The following NEDD1 variants were observed in gnomAD, a reference collection of about 807,000 sequenced individuals.
The protein encoded by NEDD1 is NEDD1 gamma-tubulin ring complex targeting factor.
In NEDD1, 33 loss-of-function variants were observed where a neutral mutation model predicts 74.0. The observed-to-expected ratio is 0.45, with a 90% CI of 0.34 to 0.60. NEDD1 has a LOEUF of 0.60. Ranked by LOEUF, NEDD1 falls within the 20% of genes least tolerant of loss-of-function variation. NEDD1 has a pLI of 0.01. For missense variants in NEDD1, 746 were observed against 776.5 expected (o/e 0.96, Z 0.47); for synonymous variants, 250 against 264.4 (o/e 0.95, Z 0.53).
chr12:96,909,938 C>T (rs372913646), intron 3 of NEDD1, 43 bp downstream of exon 3: 14 of 1,556,458 alleles, frequency 9.0e-6, no homozygotes, highest in African/African-American at 2.8e-5. Context: ...ACACACAAAC[C>T]GCTTATTAGG....
At chr12:96,923,215 T>C (rs1029717412) in intron 6 of NEDD1, among the ~76,000 whole-genome samples, 2 of 152,234 alleles carry the variant, frequency 1.3e-5, no homozygotes, top group African/African-American at 2.4e-5. Flanking sequence ...ACTGTATTAA[T>C]TCTGTGTAGT....
At chr12:96,923,220 T>G (rs1875302109) in intron 6 of NEDD1, among the ~76,000 whole-genome samples, 1 of 152,234 alleles carries the variant, frequency 6.6e-6, no homozygotes, top group South Asian at 2.1e-4. Flanking sequence ...ATTAATTCTG[T>G]GTAGTGTTTC....
chr12:96,944,939 G>T (rs761115029), intron 13 of NEDD1, 144 bp downstream of exon 13: 2 of 555,798 alleles, frequency 3.6e-6, no homozygotes, highest in Non-Finnish European at 6.2e-6. Context: ...TGTTGTGTGA[G>T]TGTTACTAAA....
chr12:96,913,216 C>G (rs1325916421), intron 4 of NEDD1, among the ~76,000 whole-genome samples: 4 of 152,128 alleles, frequency 2.6e-5, no homozygotes, highest in Non-Finnish European at 4.4e-5. Context: ...AACAGACTCA[C>G]AGCTGATGGT....
chr12:96,943,538 A>G (rs1472221593), intron 11 of NEDD1, 22 bp from the exon 12 acceptor site: 5 of 1,574,154 alleles, frequency 3.2e-6, no homozygotes, highest in Non-Finnish European at 4.4e-6. Flanking sequence ...CCATATGCAC[A>G]TGCAGTTTTT....
At chr12:96,938,043 C>T (rs1877302285) in intron 9 of NEDD1, among the ~76,000 whole-genome samples, 1 of 151,956 alleles carries the variant, frequency 6.6e-6, no homozygotes, top group South Asian at 2.1e-4. Flanking sequence ...TAGTATGTTT[C>T]TGAAATATTG....
intron 12 of NEDD1, 66 bp downstream of exon 12, chr12:96,943,828 A>G: frequency 2.0e-6 from 2 of 982,606 alleles, no homozygotes; most frequent in Non-Finnish European, 3.2e-6. Context: ...GGTGGCTGCC[A>G]GTGCATGTAT....
At chr12:96,928,031 G>T (rs1280339408) in intron 6 of NEDD1, among the ~76,000 whole-genome samples, 4 of 152,034 alleles carry the variant, frequency 2.6e-5, no homozygotes, top group African/African-American at 9.7e-5. Context: ...TGACATGTAG[G>T]CATAAAATAA....
chr12:96,919,878 C>T, intron 5 of NEDD1, 107 bp from the exon 6 acceptor site: 1 of 677,758 alleles, frequency 1.5e-6, no homozygotes, highest in Non-Finnish European at 2.4e-6. Flanking sequence ...AATGTTAAAG[C>T]AAATATTAGA....
At chr12:96,938,169 A>G (rs1210393141) in intron 9 of NEDD1, among the ~76,000 whole-genome samples, 1 of 151,974 alleles carries the variant, frequency 6.6e-6, no homozygotes, top group Non-Finnish European at 1.5e-5. Context: ...AAGTAGAAGC[A>G]AAACTTTAAT....
intron 5 of NEDD1, among the ~76,000 whole-genome samples, chr12:96,919,732 T>C (rs944828998): frequency 1.3e-5 from 2 of 152,216 alleles, no homozygotes; most frequent in Non-Finnish European, 2.9e-5. Context: ...ATACCTGTTA[T>C]TTGTCAGAGG....
intron 14 of NEDD1, among the ~76,000 whole-genome samples, chr12:96,946,465 A>T (rs950316126): frequency 3.3e-5 from 5 of 152,128 alleles, no homozygotes; most frequent in African/African-American, 1.2e-4. Context: ...GTTGTAGCTC[A>T]GATTTGGATT....
At chr12:96,912,036 T>C (rs887051329) in intron 3 of NEDD1, among the ~76,000 whole-genome samples, 3 of 152,168 alleles carry the variant, frequency 2.0e-5, no homozygotes, top group African/African-American at 7.2e-5. Flanking sequence ...ATCATTTTAG[T>C]TTTAAAATAG....
chr12:96,942,626 TA>T lies in NEDD1; in HGVS notation c.1294+4del. ...ATGAGTCCATAGGCAAAGGAGATGGTAAGAACTACTTAGAAGTATTTTCGTG... is the reference window on the plus strand; with the variant it reads ...ATGAGTCCATAGGCAAAGGAGATGGTAGAACTACTTAGAAGTATTTTCGTG... On this transcript the variant is annotated splice_donor_region_variant and intron_variant, in intron 11 of 15. Transcript: ENST00000266742. 7.1e-7 allele frequency: 1 copy of T among 1,416,336 alleles called. No homozygotes were observed. Among genetic ancestry groups the T allele is most frequent in the Non-Finnish European group, 1.0e-6 (1 of 1,001,452 alleles). 87.7% of individuals were successfully genotyped at this position (1,416,336 alleles called of 1,614,324 possible).
At chr12:96,933,899 G>A (rs943174061) in intron 6 of NEDD1, among the ~76,000 whole-genome samples, 1 of 152,168 alleles carries the variant, frequency 6.6e-6, no homozygotes, top group Non-Finnish European at 1.5e-5. Flanking sequence ...GTTAGTTTTA[G>A]TCTAAGATCA....
rs372351101 is a variant in NEDD1 at position 96,937,247 on chromosome 12, G to A, written c.971G>A (p.Arg324Gln). ...CSNKPTTVNK[R>Q]SVNVNAASGG... ...AATAAGCCCACAACAGTGAACAAAC[G>A]AAGTGTTAATGTGAATGCTGCTAGT... Residue 324 changes from arginine to glutamine, a missense_variant, in exon 9 of 16, where the codon CGA (arginine) becomes CAA (glutamine). By Grantham distance (43) the Arg-to-Gln change is conservative. Around this residue, in one of 3 missense-constraint regions of NEDD1, gnomAD observed 706 missense variants for 706.7 expected, o/e 1.00. Coordinates refer to ENST00000266742, the MANE Select transcript of NEDD1 (RefSeq NM_152905.4). 2.4e-5 allele frequency: 38 copies of A among 1,611,498 alleles called. No homozygotes were observed. The highest frequency in any genetic ancestry group is 4.0e-5 in the African/African-American group (3 of 74,688).
rs1320278599 is a variant in NEDD1 at position 96,953,202 on chromosome 12, C to G, written c.*1149C>G. The stretch of plus-strand genomic sequence containing the variant: ...TTGACTTCTGAGATGAAAGTATTTA[C>G]TAAAATTAAAAAAAAAAAAACAAAA... On this transcript the variant is annotated 3_prime_UTR_variant, in exon 16 of 16. Coordinates refer to ENST00000266742, the MANE Select transcript of NEDD1 (RefSeq NM_152905.4). 6.8e-6 allele frequency: 1 copy of G among 146,766 alleles called. No homozygotes were observed. The highest frequency in any genetic ancestry group is 2.0e-4 in the East Asian group (1 of 5,044). The allele number at this position is 146,766 out of a possible 1,614,324, so 9.1% of individuals were successfully genotyped here. A position where few individuals can be genotyped will look rare whatever the true frequency, so the allele number is the denominator to read the frequency against.
intron 10 of NEDD1, among the ~76,000 whole-genome samples, chr12:96,941,453 T>G (rs61648615): frequency 0.041 from 6,261 of 152,224 alleles, 436 homozygotes; most frequent in African/African-American, 0.14. Context: ...CTATTTAAAT[T>G]GCTAAGTCAA....
chr12:96,934,987 C>T lies in NEDD1; in HGVS notation c.501C>T (p.His167=), dbSNP rs780092017. The change falls in exon 7 of 16, where the codon CAC becomes CAT. Residue 167 remains histidine (H), a synonymous_variant. Transcript: ENST00000266742. ...FGHGSNQSVR[H]LKYSLFKKSL... The stretch of plus-strand genomic sequence containing the variant: ...TTTCATTTTTATAGTCTGTTCGGCA[C>T]TTGAAGTACTCCTTGTTTAAGAAAT... 4 of 1,595,254 alleles carry T rather than the reference C, an allele frequency of 2.5e-6. No homozygotes were observed. Among genetic ancestry groups the T allele is most frequent in the Middle Eastern group, 1.7e-4 (1 of 6,052 alleles).
Sources: gnomAD v4.1 joint callset for allele counts (sites outside exome capture counted in the v4.1 genomes callset) on GRCh38, gnomAD v4.1.1 for gene constraint, gnomAD v4.1.1 regional missense constraint, MANE v1.5 for transcripts, NCBI Gene and HGNC (gene_info 2026-07-23, HGNC 2026-07-21) for gene names.